The following GSDMA variants were observed in gnomAD, a reference collection of about 807,000 sequenced individuals.
The protein encoded by GSDMA is gasdermin A, also known as gasdermin-A.
A neutral mutation model predicts 54.3 loss-of-function variants in GSDMA; 55 were observed. The observed-to-expected ratio is 1.01, with a 90% CI of 0.82 to 1.27. The LOEUF (loss-of-function observed/expected upper bound fraction) is 1.27. GSDMA is among the 50% of genes most tolerant of loss of function. The probability of loss-of-function intolerance (pLI) is 0.00; values close to 1 mark genes in which losing one functional copy is unlikely to be tolerated. For synonymous variants in GSDMA, 211 were observed against 224.7 expected (o/e 0.94, Z 0.54); for missense variants, 542 against 542.6 (o/e 1.00, Z 0.01).
chr17:39,964,733 G>A (rs1489765970), intron 1 of GSDMA, among the ~76,000 whole-genome samples: 1 of 152,128 alleles, frequency 6.6e-6, no homozygotes, highest in Non-Finnish European at 1.5e-5. Flanking sequence ...GGCCACCCAG[G>A]CTCTTGTTGC....
chr17:39,976,913 C>A lies in GSDMA; in HGVS notation c.1193C>A (p.Thr398Asn), dbSNP rs1178706390. The A allele has an allele frequency of 6.2e-7, 1 of 1,613,898 alleles. No individual in the cohort carries two copies. Among genetic ancestry groups the A allele is most frequent in the African/African-American group, 1.3e-5 (1 of 74,926 alleles). Reference protein sequence around the residue: ...LLSSLGDEELTLTEALVGLSG... With the variant: ...LLSSLGDEELNLTEALVGLSG... ...TCCTCCCTTGGGGACGAGGAGCTGA[C>A]CCTCACGGAGGCTCTAGTCGGGCTG... Residue 398 changes from threonine to asparagine, a missense_variant, in exon 12 of 12, where the codon ACC becomes AAC. Coordinates refer to ENST00000301659, the MANE Select transcript of GSDMA (RefSeq NM_178171.5).
chr17:39,976,788 CT>C (rs755106480), intron 11 of GSDMA, 27 bp from the exon 12 acceptor site: 1 of 1,610,708 alleles, frequency 6.2e-7, no homozygotes, highest in East Asian at 2.2e-5. Context: ...CCAGTTCTTT[CT>C]TTTCATGCTG....
At position 39,965,788 on chromosome 17, in the gene GSDMA, A is replaced by G. The variant is rs1273027881; in HGVS notation, c.101A>G (p.His34Arg). The G allele has an allele frequency of 6.2e-7, 1 of 1,608,030 alleles. No individual in the cohort carries two copies. The highest frequency in any genetic ancestry group is 2.2e-5 in the East Asian group (1 of 44,628). The change falls in exon 2 of 12, where the codon CAT becomes CGT. Residue 34 changes from histidine to arginine, a missense_variant. By Grantham distance (29) the His-to-Arg change is conservative. Coordinates refer to ENST00000301659, the MANE Select transcript of GSDMA (RefSeq NM_178171.5). ...LDSLIDFKRF[H>R]PFCLVLRKRK... The stretch of plus-strand genomic sequence containing the variant: ...AGCCTCATCGACTTCAAGCGCTTCC[A>G]TCCCTTCTGCCTGGTGCTGAGGAAG...
rs542334579 is a variant in GSDMA at position 39,973,687 on chromosome 17, C to T, written c.731-123C>T. The T allele has an allele frequency of 3.6e-4, 287 of 786,816 alleles. 1 individual carries two copies. In the African/African-American group the frequency reaches 4.6e-3, roughly 13 times the overall value. The allele number at this position is 786,816 out of a possible 1,614,324, so 48.7% of individuals were successfully genotyped here. ...CACAGTAATGCCAGGAACAAGGTAG[C>T]TGGGCTCTCCCAGGAGACAGGCAGG... On this transcript the variant is annotated intron_variant, in intron 7 of 11. Coordinates refer to ENST00000301659, the MANE Select transcript of GSDMA (RefSeq NM_178171.5).
chr17:39,969,599 C>T (rs927394209), intron 3 of GSDMA, among the ~76,000 whole-genome samples: 2 of 152,046 alleles, frequency 1.3e-5, no homozygotes, highest in Non-Finnish European at 2.9e-5. Context: ...ACAGCAGGAT[C>T]GAGTATTGCA....
chr17:39,973,753 A>G lies in GSDMA; in HGVS notation c.731-57A>G, dbSNP rs1032942510. On this transcript the variant is annotated intron_variant, in intron 7 of 11. Coordinates refer to ENST00000301659, the MANE Select transcript of GSDMA (RefSeq NM_178171.5). ...TTCCTTAGTGTCTCAACCCCTGGGT[A>G]TGGCTGCCATTCTGAAGGATTGCAT... 18 of 1,439,740 alleles carry G rather than the reference A, an allele frequency of 1.3e-5. No individual in the cohort carries two copies. In the Admixed American group the frequency reaches 2.0e-4, roughly 16 times the overall value. The allele number at this position is 1,439,740 out of a possible 1,614,324, so 89.2% of individuals were successfully genotyped here. A position where few individuals can be genotyped will look rare whatever the true frequency, so the allele number is the denominator to read the frequency against.
rs1194987445 is a variant in GSDMA at position 39,973,803 on chromosome 17, T to C, written c.731-7T>C. The C allele has an allele frequency of 6.2e-7, 1 of 1,611,086 alleles. No homozygotes were observed. Reference sequence around the variant, plus strand: ...TTCTTATCTTTTTTTTTTCCTTTTTTTCTCAGTTATCCAGGCATCTGATGT... The same window carrying C: ...TTCTTATCTTTTTTTTTTCCTTTTTCTCTCAGTTATCCAGGCATCTGATGT... On this transcript the variant is annotated splice_polypyrimidine_tract_variant and splice_region_variant and intron_variant, in intron 7 of 11. Transcript: ENST00000301659.
chr17:39,966,152 C>T (rs1315657030), intron 2 of GSDMA, 108 bp from the exon 3 acceptor site: 1 of 1,213,900 alleles, frequency 8.2e-7, no homozygotes, highest in African/African-American at 1.5e-5. Flanking sequence ...GTTTCAAACT[C>T]CTGGGCTCAA....
At chr17:39,971,673 T>C in intron 5 of GSDMA, 53 bp downstream of exon 5, 1 of 1,317,998 alleles carries the variant, frequency 7.6e-7, no homozygotes. Context: ...CCTGCACCAG[T>C]ACTGAGGCAC....
chr17:39,974,766 T>A, intron 9 of GSDMA, 134 bp from the exon 10 acceptor site: 1 of 669,382 alleles, frequency 1.5e-6, no homozygotes, highest in Non-Finnish European at 2.6e-6. Context: ...CCAGTACTCT[T>A]CAGGACATGA....
chr17:39,963,061 G>T lies in GSDMA; in HGVS notation c.-30G>T, dbSNP rs1281458474. 1 of 152,726 alleles carries T rather than the reference G, an allele frequency of 6.5e-6. No individual in the cohort carries two copies. The highest frequency in any genetic ancestry group is 1.5e-5 in the Non-Finnish European group (1 of 68,438). 9.5% of individuals were successfully genotyped at this position (152,726 alleles called of 1,614,324 possible). A position where few individuals can be genotyped will look rare whatever the true frequency, so the allele number is the denominator to read the frequency against. On this transcript the variant is annotated 5_prime_UTR_variant, in exon 1 of 12. Transcript: ENST00000301659. Reference sequence around the variant, plus strand: ...GGCCCTCACCCCAGACCCAGCTGCTGGATAGGACCCAGCCCCGCTCCCAGG... The same window carrying T: ...GGCCCTCACCCCAGACCCAGCTGCTTGATAGGACCCAGCCCCGCTCCCAGG...
chr17:39,976,817 T>G lies in GSDMA; in HGVS notation c.1097T>G (p.Val366Gly), dbSNP rs1980217908. The G allele has an allele frequency of 6.2e-7, 1 of 1,613,828 alleles. No individual in the cohort carries two copies. The highest frequency in any genetic ancestry group is 8.5e-7 in the Non-Finnish European group (1 of 1,179,876). ...TCATGCTGTTTTGATTCCCTCCAGG[T>G]GGAGAGCACGATGGAACAGAACTTC... ...KKILPVQLKL[V>G]ESTMEQNFLL... is the part of the protein sequence containing the mutation. The change falls in exon 12 of 12, where the codon GTG (valine) becomes GGG (glycine). Residue 366 changes from valine to glycine, a missense_variant and splice_region_variant. Physicochemically the swap from Val to Gly is moderately radical, Grantham distance 109. Coordinates refer to ENST00000301659, the MANE Select transcript of GSDMA (RefSeq NM_178171.5).
chr17:39,970,390 T>C, intron 3 of GSDMA, 92 bp from the exon 4 acceptor site: 9 of 1,239,274 alleles, frequency 7.3e-6, no homozygotes, highest in Non-Finnish European at 9.7e-6. Flanking sequence ...CACCACAATG[T>C]CTAGTTCCTG....
chr17:39,974,187 TG>T, intron 8 of GSDMA, 85 bp from the exon 9 acceptor site: 1 of 1,369,918 alleles, frequency 7.3e-7, no homozygotes, highest in Non-Finnish European at 9.8e-7. Context: ...TAAAGGGGGC[TG>T]AGTGTAGGAG....
rs1980256070 is a variant in GSDMA, at chr17:39,977,507, G to A, written c.*449G>A. The A allele has an allele frequency of 6.3e-6, 1 of 157,754 alleles. No individual in the cohort carries two copies. The highest frequency in any genetic ancestry group is 1.7e-4 in the South Asian group (1 of 5,758). 9.8% of individuals were successfully genotyped at this position (157,754 alleles called of 1,614,324 possible). A position where few individuals can be genotyped will look rare whatever the true frequency, so the allele number is the denominator to read the frequency against. ...GGGTTTCACCATGTTGCCCAGGTTGGTCTCGAACTCCTGGCCTCAAGTGAT... is the reference window on the plus strand; with the variant it reads ...GGGTTTCACCATGTTGCCCAGGTTGATCTCGAACTCCTGGCCTCAAGTGAT... On this transcript the variant is annotated 3_prime_UTR_variant, in exon 12 of 12. Coordinates refer to ENST00000301659, the MANE Select transcript of GSDMA (RefSeq NM_178171.5).
chr17:39,963,111 G>A lies in GSDMA; in HGVS notation c.-6+26G>A, dbSNP rs1385831880. On this transcript the variant is annotated intron_variant, in intron 1 of 11. Transcript: ENST00000301659. The stretch of plus-strand genomic sequence containing the variant: ...GTAAGAACTTGATGACAGCAGGGAA[G>A]GCAGGGGTGCTCTGAGGACACAGGA... 7 of 153,168 alleles carry A rather than the reference G, an allele frequency of 4.6e-5. No individual in the cohort carries two copies. In the Admixed American group the frequency reaches 4.6e-4, roughly 10 times the overall value. The allele number at this position is 153,168 out of a possible 1,614,324, so 9.5% of individuals were successfully genotyped here. A position where few individuals can be genotyped will look rare whatever the true frequency, so the allele number is the denominator to read the frequency against.
chr17:39,976,106 C>G, intron 11 of GSDMA, 109 bp downstream of exon 11: 1 of 712,444 alleles, frequency 1.4e-6, no homozygotes, highest in Non-Finnish European at 2.4e-6. Flanking sequence ...CTGTCTTATC[C>G]CAGGGGCTTA....
rs1979625406 is a variant in GSDMA, at chr17:39,965,818, A to C, written c.131A>C (p.Lys44Thr). Residue 44 changes from lysine (K) to threonine (T), a missense_variant, in exon 2 of 12, where the codon AAG (lysine) becomes ACG (threonine). Lys to Thr is a moderately conservative substitution (Grantham distance 78, BLOSUM62 -1). Transcript: ENST00000301659. Reference sequence around the variant, plus strand: ...TTCTGCCTGGTGCTGAGGAAGAGGAAGAGCACGCTCTTCTGGGGGGCCCGG... The same window carrying C: ...TTCTGCCTGGTGCTGAGGAAGAGGACGAGCACGCTCTTCTGGGGGGCCCGG... ...HPFCLVLRKR[K>T]STLFWGARYV... 6.3e-7 allele frequency: 1 copy of C among 1,593,962 alleles called. No individual in the cohort carries two copies. The highest frequency in any genetic ancestry group is 1.3e-5 in the African/African-American group (1 of 74,640).
In GSDMA at chr17:39,965,870, G is replaced by A; in HGVS notation, c.183G>A (p.Leu61=). The A allele has an allele frequency of 6.4e-7, 1 of 1,558,820 alleles. No individual in the cohort carries two copies. Reference sequence around the variant, plus strand: ...ACGTCCGCACCGACTACACGCTGCTGGATGTGCTTGAGCCCGGCAGCTCAC... The same window carrying A: ...ACGTCCGCACCGACTACACGCTGCTAGATGTGCTTGAGCCCGGCAGCTCAC... ...ARYVRTDYTL[L]DVLEPGSSPS... The change falls in exon 2 of 12, where the codon CTG becomes CTA. Residue 61 remains leucine, a synonymous_variant. Transcript: ENST00000301659.
Sources: gnomAD v4.1 joint callset for allele counts (sites outside exome capture counted in the v4.1 genomes callset) on GRCh38, gnomAD v4.1.1 for gene constraint, MANE v1.5 for transcripts, NCBI Gene and HGNC (gene_info 2026-07-23, HGNC 2026-07-21) for gene names.